Variants in MUC3A observed in about 807,000 individuals in gnomAD.
MUC3A encodes the protein mucin 3A, cell surface associated, also known as mucin-3A.
Under a neutral mutation model 109.0 loss-of-function variants are expected in MUC3A, and 109 were observed. That is an observed-to-expected ratio of 1.00 (90% confidence interval 0.86 to 1.17). MUC3A has a LOEUF of 1.17. Among genes scored for constraint, MUC3A ranks in the 50% most tolerant of loss-of-function variants. The pLI is 0.00. For missense variants in MUC3A, 3,537 were observed against 2,469.4 expected (o/e 1.43, Z -9.16); for synonymous variants, 1,398 against 981.4 (o/e 1.42, Z -7.93).
intron 3 of MUC3A, among the ~76,000 whole-genome samples, chr7:100,961,528 C>T (rs1227053080): frequency 6.6e-6 from 1 of 152,312 alleles, no homozygotes; most frequent in Non-Finnish European, 1.5e-5. Context: ...TGTTAATTTT[C>T]TCAAGATCAG....
rs1488563575 is a variant in MUC3A, at chr7:100,965,827, A to G, written c.9572A>G (p.Gln3191Arg). Residue 3191 changes from glutamine to arginine, a missense_variant, in exon 8 of 12, where the codon CAG becomes CGG. Transcript: ENST00000379458. ...GTGGACAACGCCATCGACTGTCACC[A>G]GGGCCAGTGCGTTCTGGAGACGAGC... The part of the protein sequence containing the change: ...SGVDNAIDCH[Q>R]GQCVLETSGP... 2.5e-6 allele frequency: 4 copies of G among 1,597,194 alleles called. No homozygotes were observed. The highest frequency in any genetic ancestry group is 3.4e-6 in the Non-Finnish European group (4 of 1,178,984).
rs1792104013 is a variant in MUC3A, at chr7:100,956,608, CAA to C, written c.4830_4831del (p.Ser1611CysfsTer18). 1 of 424,560 alleles carries C rather than the reference CAA, an allele frequency of 2.4e-6. No homozygotes were observed. The highest frequency in any genetic ancestry group is 4.1e-6 in the Non-Finnish European group (1 of 243,062). The allele number at this position is 424,560 out of a possible 1,614,324, so 26.3% of individuals were successfully genotyped here. A position where few individuals can be genotyped will look rare whatever the true frequency, so the allele number is the denominator to read the frequency against. ...GTCTCCAGCATGTCTGCAAGGCCAACAAGTGTCATTCCTTCATCTCCCACTGT... is the reference window on the plus strand; with the variant it reads ...GTCTCCAGCATGTCTGCAAGGCCAACGTGTCATTCCTTCATCTCCCACTGT... On this transcript the variant is annotated frameshift_variant, in exon 2 of 12. Coordinates refer to ENST00000379458, the MANE Select transcript of MUC3A (RefSeq NM_005960.2). LOFTEE classifies it high-confidence loss of function.
chr7:100,961,887 C>G (rs73163770), intron 3 of MUC3A, among the ~76,000 whole-genome samples: 1 of 151,130 alleles, frequency 6.6e-6, no homozygotes, highest in Non-Finnish European at 1.5e-5. Context: ...GAGGGAGTAT[C>G]GCTTGAGGCG....
rs1246391708 is a variant in MUC3A, at chr7:100,965,867, G to A, written c.9611+1G>A. The stretch of plus-strand genomic sequence containing the variant: ...TGGAGACGAGCGGTCCCACGTGTCG[G>A]TAAGGCCCCGCTCACCATCGGCATC... On this transcript the variant is annotated splice_donor_variant, in intron 8 of 11. Transcript: ENST00000379458. LOFTEE classifies it high-confidence loss of function. The A allele has an allele frequency of 6.3e-7, 1 of 1,590,426 alleles. No individual in the cohort carries two copies. The highest frequency in any genetic ancestry group is 2.2e-5 in the East Asian group (1 of 44,708).
chr7:100,953,124 A>C lies in MUC3A; in HGVS notation c.1345A>C (p.Thr449Pro). Residue 449 changes from threonine to proline, a missense_variant, in exon 2 of 12, where the codon ACA becomes CCA. Transcript: ENST00000379458. ...TACAGACATCCCTTTCACAACACCA[A>C]CAACTATCACCCACCATTCTGTGGG... ...LSTDIPFTTP[T>P]TITHHSVGST... is the part of the protein sequence containing the mutation. The C allele has an allele frequency of 2.7e-6, 2 of 750,136 alleles. No homozygotes were observed. Among genetic ancestry groups the C allele is most frequent in the Non-Finnish European group, 4.3e-6 (2 of 461,888 alleles). The allele number at this position is 750,136 out of a possible 1,614,324, so 46.5% of individuals were successfully genotyped here.
intron 9 of MUC3A, 27 bp downstream of exon 9, chr7:100,966,586 G>A: frequency 1.3e-6 from 2 of 1,582,244 alleles, no homozygotes; most frequent in African/African-American, 1.4e-5. Context: ...CGGGGCCGGG[G>A]GGCGAGGGCA....
Position 100,959,141 on chromosome 7 carries a change from A to T in MUC3A, c.7362A>T (p.Thr2454=). Residue 2454 remains threonine, a synonymous_variant, in exon 2 of 12, where the codon ACA becomes ACT. Coordinates refer to ENST00000379458, the MANE Select transcript of MUC3A (RefSeq NM_005960.2). The part of the protein sequence containing the change: ...SSSTIYSTVS[T]STTAITSHFT... ...CAACCATCTACTCCACAGTCAGCAC[A>T]TCCACAACTGCCATCACCTCACATT... 1.3e-6 allele frequency: 2 copies of T among 1,591,446 alleles called. No homozygotes were observed. Among genetic ancestry groups the T allele is most frequent in the Non-Finnish European group, 1.7e-6 (2 of 1,177,122 alleles).
At position 100,959,245 on chromosome 7, in the gene MUC3A, T is replaced by C; in HGVS notation, c.7466T>C (p.Leu2489Pro). The C allele has an allele frequency of 6.3e-7, 1 of 1,597,854 alleles. No individual in the cohort carries two copies. Among genetic ancestry groups the C allele is most frequent in the Non-Finnish European group, 8.5e-7 (1 of 1,179,346 alleles). ...AGTACAGACATCCCGACCACAAGCC[T>C]ACGAACTCTCACCCCTTCGTCTGTG... is the stretch of plus-strand genomic sequence containing the variant. ...SLSTDIPTTS[L>P]RTLTPSSVGT... Residue 2489 changes from leucine to proline, a missense_variant, in exon 2 of 12, where the codon CTA becomes CCA. Coordinates refer to ENST00000379458, the MANE Select transcript of MUC3A (RefSeq NM_005960.2).
rs80228227 is a variant in MUC3A at position 100,958,662 on chromosome 7, A to G, written c.6883A>G (p.Thr2295Ala). Residue 2295 changes from threonine (T) to alanine (A), a missense_variant, in exon 2 of 12, where the codon ACC (threonine) becomes GCC (alanine). Coordinates refer to ENST00000379458, the MANE Select transcript of MUC3A (RefSeq NM_005960.2). ...HSTPSSTSLI[T>A]TTKTTSHSTP... ...TACTCCCAGCTCCACTTCTTTAATC[A>G]CCACCACCAAGACCACCTCACACAG... is the stretch of plus-strand genomic sequence containing the variant. 1 of 1,169,502 alleles carries G rather than the reference A, an allele frequency of 8.6e-7. No individual in the cohort carries two copies. Among genetic ancestry groups the G allele is most frequent in the Non-Finnish European group, 1.1e-6 (1 of 947,870 alleles). The allele number at this position is 1,169,502 out of a possible 1,614,324, so 72.4% of individuals were successfully genotyped here. A position where few individuals can be genotyped will look rare whatever the true frequency, so the allele number is the denominator to read the frequency against.
Position 100,955,888 on chromosome 7 carries a change from C to A in MUC3A, c.4109C>A (p.Thr1370Asn). 1 of 337,266 alleles carries A rather than the reference C, an allele frequency of 3.0e-6. No individual in the cohort carries two copies. The highest frequency in any genetic ancestry group is 5.3e-6 in the Non-Finnish European group (1 of 189,982). 20.9% of individuals were successfully genotyped at this position (337,266 alleles called of 1,614,324 possible). Residue 1370 changes from threonine (T) to asparagine (N), a missense_variant, in exon 2 of 12, where the codon ACT becomes AAT. By Grantham distance (65) the Thr-to-Asn change is moderately conservative. Coordinates refer to ENST00000379458, the MANE Select transcript of MUC3A (RefSeq NM_005960.2). ...GAGACCACCACACTGACTCCTACAA[C>A]TGACTTTTCTACAGAATCTCTCACA... is the stretch of plus-strand genomic sequence containing the variant. ...FLETTTLTPT[T>N]DFSTESLTTA...
At position 100,960,452 on chromosome 7, in the gene MUC3A, C is replaced by A. The variant is rs761460251; in HGVS notation, c.8673C>A (p.Leu2891=). The A allele has an allele frequency of 6.3e-7, 1 of 1,598,630 alleles. No individual in the cohort carries two copies. Among genetic ancestry groups the A allele is most frequent in the Non-Finnish European group, 8.5e-7 (1 of 1,179,822 alleles). Residue 2891 remains leucine, a synonymous_variant, in exon 2 of 12, where the codon CTC becomes CTA. Coordinates refer to ENST00000379458, the MANE Select transcript of MUC3A (RefSeq NM_005960.2). ...TTCCTGGCGTCTCTACCATCCCGCT[C>A]ACCATGAAACCAAGCAGTAGCCTCC... is the stretch of plus-strand genomic sequence containing the variant. The part of the protein sequence containing the change: ...LPLPGVSTIP[L]TMKPSSSLPT...
chr7:100,966,976 C>T (rs1364053787), intron 11 of MUC3A, 25 bp downstream of exon 11: 23 of 1,598,430 alleles, frequency 1.4e-5, no homozygotes, highest in African/African-American at 2.7e-5. Flanking sequence ...AGGGGGACCC[C>T]AAGGAACTCT....
Position 100,952,246 on chromosome 7 carries a change from C to T in MUC3A, c.467C>T (p.Ser156Phe). Residue 156 changes from serine (S) to phenylalanine (F), a missense_variant, in exon 2 of 12, where the codon TCT becomes TTT. By Grantham distance (155) the Ser-to-Phe change is radical (BLOSUM62 -2). Transcript: ENST00000379458. ...ACGACGCAGGTGGCCTTCACCAGCT[C>T]TTACACCTCGACTCCCGTGACACAG... The part of the protein sequence containing the change: ...VTTTQVAFTS[S>F]YTSTPVTQKP... 6.3e-7 allele frequency: 1 copy of T among 1,598,522 alleles called. No homozygotes were observed. The highest frequency in any genetic ancestry group is 8.5e-7 in the Non-Finnish European group (1 of 1,179,784).
intron 3 of MUC3A, among the ~76,000 whole-genome samples, chr7:100,962,682 CT>C (rs1792369208): frequency 4.8e-5 from 4 of 83,076 alleles, no homozygotes; most frequent in Admixed American, 1.5e-4. Flanking sequence ...TTTTTTCTTT[CT>C]CTTTTTCTTT....
chr7:100,960,597 C>A lies in MUC3A; in HGVS notation c.8818C>A (p.Arg2940Ser). Residue 2940 changes from arginine (R) to serine (S), a missense_variant, in exon 2 of 12, where the codon CGC (arginine) becomes AGC (serine). Arg to Ser is a moderately radical substitution (Grantham distance 110). Coordinates refer to ENST00000379458, the MANE Select transcript of MUC3A (RefSeq NM_005960.2). ...CACCCTTACATCACGCAGGACAACTCGCATCACTTCTCAGATGACCACACA... is the reference window on the plus strand; with the variant it reads ...CACCCTTACATCACGCAGGACAACTAGCATCACTTCTCAGATGACCACACA... Reference protein sequence around the residue: ...PTTLTSRRTTRITSQMTTQST... With the variant: ...PTTLTSRRTTSITSQMTTQST... The A allele has an allele frequency of 1.3e-6, 2 of 1,598,678 alleles. No homozygotes were observed. The highest frequency in any genetic ancestry group is 1.1e-5 in the South Asian group (1 of 91,084).
chr7:100,963,623 T>C, intron 4 of MUC3A, 65 bp from the exon 5 acceptor site: 1 of 1,597,238 alleles, frequency 6.3e-7, no homozygotes, highest in Non-Finnish European at 8.5e-7. Flanking sequence ...GAGCTGGGGT[T>C]GGGCGTCTGG....
chr7:100,958,062 T>G lies in MUC3A; in HGVS notation c.6283T>G (p.Ser2095Ala), dbSNP rs1584803179. 5.8e-4 allele frequency: 330 copies of G among 568,854 alleles called. No individual in the cohort carries two copies. Among genetic ancestry groups the G allele is most frequent in the East Asian group, 3.1e-3 (32 of 10,218 alleles). The allele number at this position is 568,854 out of a possible 1,614,324, so 35.2% of individuals were successfully genotyped here. A position where few individuals can be genotyped will look rare whatever the true frequency, so the allele number is the denominator to read the frequency against. Residue 2095 changes from serine to alanine, a missense_variant, in exon 2 of 12, where the codon TCT (serine) becomes GCT (alanine). By Grantham distance (99) the Ser-to-Ala change is moderately conservative. Transcript: ENST00000379458. ...CTCACACAGTACTCTCAGCTTCACT[T>G]CTTCAATCACCACCACTGAGACCAC... Reference protein sequence around the residue: ...TPSHSTLSFTSSITTTETTSH... With the variant: ...TPSHSTLSFTASITTTETTSH...
rs77461627 is a variant in MUC3A at position 100,949,802 on chromosome 7, G to A, written c.61+117G>A. On this transcript the variant is annotated intron_variant, in intron 1 of 11. Coordinates refer to ENST00000379458, the MANE Select transcript of MUC3A (RefSeq NM_005960.2). ...GGGGGGATAAGAAGGCACCGCTTGG[G>A]GCTCTGGGTGCAGGGAGAACCGAGG... 5.1e-6 allele frequency: 4 copies of A among 777,944 alleles called. No homozygotes were observed. The African/African-American group carries it at 1.4e-4, about 27-fold the overall frequency. The allele number at this position is 777,944 out of a possible 1,614,324, so 48.2% of individuals were successfully genotyped here.
chr7:100,965,974 G>C, intron 8 of MUC3A, 108 bp downstream of exon 8: 1 of 1,447,734 alleles, frequency 6.9e-7, no homozygotes, highest in South Asian at 1.4e-5. Flanking sequence ...CTACAGTGGA[G>C]CCTCGTCCCC....
Sources: gnomAD v4.1 joint callset for allele counts (sites outside exome capture counted in the v4.1 genomes callset) on GRCh38, gnomAD v4.1.1 for gene constraint, MANE v1.5 for transcripts, NCBI Gene and HGNC (gene_info 2026-07-23, HGNC 2026-07-21) for gene names.